Variants in LRRFIP1 observed in about 807,000 individuals in gnomAD.
LRRFIP1 encodes the protein leucine-rich repeat flightless-interacting protein 1.
LRRFIP1 carries 62 observed loss-of-function variants against 104.4 expected under a neutral mutation model. The ratio of observed to expected loss-of-function variants is 0.59; its 90% CI spans 0.48 to 0.73. The LOEUF is 0.73. Among genes scored for constraint, LRRFIP1 ranks in the 30% least tolerant of loss-of-function variants. The probability of loss-of-function intolerance (pLI) is 0.00; values close to 1 mark genes in which losing one functional copy is unlikely to be tolerated. For missense variants in LRRFIP1, 796 were observed against 824.5 expected, an observed-to-expected ratio of 0.97 and a Z score of 0.42; for synonymous variants, 300 against 299.0, an observed-to-expected ratio of 1.00 and a Z score of -0.03.
chr2:237,733,728 G>GT (rs780652873), intron 8 of LRRFIP1, 46 bp from the exon 9 acceptor site: 3 of 1,599,990 alleles, frequency 1.9e-6, no homozygotes, highest in Non-Finnish European at 2.6e-6. Flanking sequence ...ATTTGTTGCT[G>GT]TTTTTTCAAG....
intron 17 of LRRFIP1, among the ~76,000 whole-genome samples, chr2:237,758,428 A>G (rs1255006923): frequency 1.3e-5 from 2 of 152,338 alleles, no homozygotes; most frequent in East Asian, 3.9e-4. Flanking sequence ...AGCTGTGAAC[A>G]CGCAGACAAA....
At chr2:237,666,879 G>A (rs546920777) in intron 1 of LRRFIP1, among the ~76,000 whole-genome samples, 14 of 97,698 alleles carry the variant, frequency 1.4e-4, no homozygotes, top group South Asian at 1.3e-3. Context: ...TCTTTCTCTC[G>A]CTCTGTTCCT....
chr2:237,656,524 G>A (rs1332537254), intron 1 of LRRFIP1, among the ~76,000 whole-genome samples: 1 of 152,148 alleles, frequency 6.6e-6, no homozygotes, highest in Non-Finnish European at 1.5e-5. Flanking sequence ...TCCAAGCAGT[G>A]GTTCTTGGCT....
chr2:237,688,354 AAGG>A (rs1349112505), intron 1 of LRRFIP1, among the ~76,000 whole-genome samples: 1 of 152,028 alleles, frequency 6.6e-6, no homozygotes, highest in Admixed American at 6.5e-5. Context: ...TTACCAAAAG[AAGG>A]AGGAAGTCAA....
At chr2:237,723,636 A>G (rs2094615105) in intron 7 of LRRFIP1, 50 bp downstream of exon 7, 1 of 1,599,812 alleles carries the variant, frequency 6.3e-7, no homozygotes, top group African/African-American at 1.3e-5. Context: ...GTGTGGTGTG[A>G]CCATAATAAC....
At chr2:237,705,293 T>C (rs543431554) in intron 1 of LRRFIP1, among the ~76,000 whole-genome samples, 1 of 152,350 alleles carries the variant, frequency 6.6e-6, no homozygotes, top group South Asian at 2.1e-4. Context: ...TATCTGCTAG[T>C]GTGTAATAAA....
chr2:237,703,574 T>C lies in LRRFIP1; in HGVS notation c.97-4970T>C, dbSNP rs1233149189. On this transcript the variant is annotated intron_variant, in intron 1 of 23. Coordinates refer to ENST00000308482, the MANE Select transcript of LRRFIP1 (RefSeq NM_001137550.2). This position sits in a 1 kb window ranked among gnomAD's most constrained non-coding sequence, Gnocchi z 4.3. ...CTGGTCGCAGCCACCCCGGCTCTGC[T>C]TGTCCTGTTTCAGGGTCCGGCTTAG... Among the ~76,000 whole-genome samples the C allele has an allele frequency of 6.6e-6, 1 of 152,030 alleles. No individual in the cohort carries two copies. Among genetic ancestry groups the C allele is most frequent in the Non-Finnish European group, 1.5e-5 (1 of 68,016 alleles).
chr2:237,761,065 G>T (rs1339802970), intron 19 of LRRFIP1, among the ~76,000 whole-genome samples: 1 of 152,158 alleles, frequency 6.6e-6, no homozygotes, highest in Non-Finnish European at 1.5e-5. Context: ...AATAAGGTCA[G>T]GGTCCGTGAC....
At chr2:237,720,324 T>C (rs2094495047) in intron 5 of LRRFIP1, among the ~76,000 whole-genome samples, 2 of 152,156 alleles carry the variant, frequency 1.3e-5, no homozygotes, top group Middle Eastern at 3.4e-3. Flanking sequence ...CTTGGCTCAC[T>C]GCAATGTCTG....
At chr2:237,710,638 T>C (rs550018954) in intron 2 of LRRFIP1, among the ~76,000 whole-genome samples, 184 of 152,274 alleles carry the variant, frequency 1.2e-3, no homozygotes, top group African/African-American at 4.2e-3. Flanking sequence ...TATAACCAAT[T>C]AGAATTGATT....
At chr2:237,739,536 T>C (rs949900312) in intron 11 of LRRFIP1, among the ~76,000 whole-genome samples, 1 of 152,200 alleles carries the variant, frequency 6.6e-6, no homozygotes, top group Non-Finnish European at 1.5e-5. Context: ...AATATAGCCA[T>C]GTGCACGGAT....
intron 11 of LRRFIP1, among the ~76,000 whole-genome samples, chr2:237,746,149 C>T (rs1031535166): frequency 6.6e-6 from 1 of 151,414 alleles, no homozygotes; most frequent in Non-Finnish European, 1.5e-5. Context: ...ACCTCTACCT[C>T]CTGGGTTCAA....
At chr2:237,657,321 T>A (rs141468195) in intron 1 of LRRFIP1, among the ~76,000 whole-genome samples, 286 of 152,264 alleles carry the variant, frequency 1.9e-3, no homozygotes, top group Middle Eastern at 6.8e-3. Context: ...AAAACCTAAA[T>A]AAATGGAACA....
chr2:237,708,487 T>G, intron 1 of LRRFIP1, 57 bp from the exon 2 acceptor site: 1 of 1,319,684 alleles, frequency 7.6e-7, no homozygotes, highest in Non-Finnish European at 1.0e-6. Context: ...CTGCTGACCC[T>G]GTACTGGGAA....
intron 1 of LRRFIP1, chr2:237,692,184 C>A: frequency 4.8e-6 from 5 of 1,037,492 alleles, no homozygotes; most frequent in Non-Finnish European, 5.8e-6. Flanking sequence ...GGCGGAGGCG[C>A]CCGAGTCCCG....
intron 1 of LRRFIP1, among the ~76,000 whole-genome samples, chr2:237,676,448 C>T (rs530882527): frequency 5.9e-5 from 9 of 152,262 alleles, no homozygotes; most frequent in South Asian, 4.1e-4. Context: ...TTTCCATTTT[C>T]ATGAATTGCA....
At chr2:237,769,657 G>T (rs759533246) in intron 19 of LRRFIP1, 14 of 388,638 alleles carry the variant, frequency 3.6e-5, no homozygotes, top group African/African-American at 8.0e-5. Flanking sequence ...GCGTGGTTTG[G>T]CCCTAGCGTT....
At chr2:237,655,978 T>G (rs1367661304) in intron 1 of LRRFIP1, among the ~76,000 whole-genome samples, 1 of 152,254 alleles carries the variant, frequency 6.6e-6, no homozygotes, top group Non-Finnish European at 1.5e-5. Context: ...TTGAGATTTA[T>G]TCACTGAATC....
chr2:237,666,331 T>G (rs1238486703), intron 1 of LRRFIP1, among the ~76,000 whole-genome samples: 1 of 152,274 alleles, frequency 6.6e-6, no homozygotes. Flanking sequence ...TTTTTAGGTT[T>G]CTTTTAAAAT....
Sources: allele counts gnomAD v4.1 joint callset (sites outside exome capture counted in the v4.1 genomes callset), GRCh38; gene constraint gnomAD v4.1.1; non-coding constraint Gnocchi (gnomAD v3.1); transcripts MANE v1.5; gene names NCBI Gene and HGNC (gene_info 2026-07-23, HGNC 2026-07-21).